Variants in PDE4B observed in about 807,000 individuals in gnomAD.
PDE4B encodes 3',5'-cyclic-AMP phosphodiesterase 4B.
A neutral mutation model predicts 82.2 loss-of-function variants in PDE4B; 20 were observed. The ratio of observed to expected loss-of-function variants is 0.24; its 90% CI spans 0.17 to 0.35. The LOEUF (loss-of-function observed/expected upper bound fraction) is 0.35. Ranked by LOEUF, PDE4B falls within the 10% of genes least tolerant of loss-of-function variation. PDE4B has a pLI of 1.00. For synonymous variants in PDE4B, 320 were observed against 318.9 expected (o/e 1.00, Z -0.04); for missense variants, 655 against 907.2 (o/e 0.72, Z 3.57).
At chr1:65,890,826 T>G (rs898424748) in intron 1 of PDE4B, among the ~76,000 whole-genome samples, 1 of 151,884 alleles carries the variant, frequency 6.6e-6, no homozygotes, top group Non-Finnish European at 1.5e-5. Flanking sequence ...CACACACATA[T>G]ACACACACAT....
At chr1:66,011,820 G>A (rs1048535308) in intron 3 of PDE4B, among the ~76,000 whole-genome samples, 2 of 152,008 alleles carry the variant, frequency 1.3e-5, no homozygotes, top group Admixed American at 1.3e-4. Context: ...CATACAATTT[G>A]TCAGACAATT....
chr1:65,871,998 TTAAAGAG>T (rs1646578579), intron 1 of PDE4B, among the ~76,000 whole-genome samples: 2 of 152,186 alleles, frequency 1.3e-5, no homozygotes, highest in African/African-American at 4.8e-5. Flanking sequence ...ATGTGTTTTT[TTAAAGAG>T]TAGGTGAAGC....
chr1:66,073,731 T>C (rs551984182), intron 3 of PDE4B, among the ~76,000 whole-genome samples: 6 of 152,274 alleles, frequency 3.9e-5, no homozygotes, highest in Admixed American at 3.3e-4. Context: ...AATGTAGTTT[T>C]TGGAACTCTG....
chr1:66,030,761 T>C (rs117867823), intron 3 of PDE4B, among the ~76,000 whole-genome samples: 1 of 152,328 alleles, frequency 6.6e-6, no homozygotes, highest in African/African-American at 2.4e-5. Context: ...ATATACAACA[T>C]GGAATACGAT....
intron 3 of PDE4B, among the ~76,000 whole-genome samples, chr1:66,182,978 G>T (rs764647294): frequency 1.1e-4 from 17 of 152,180 alleles, no homozygotes; most frequent in Non-Finnish European, 2.1e-4. Context: ...ATATCACAAT[G>T]AGCCACATTT....
intron 1 of PDE4B, among the ~76,000 whole-genome samples, chr1:65,804,675 T>A (rs759796868): frequency 2.0e-5 from 3 of 152,106 alleles, no homozygotes; most frequent in Non-Finnish European, 4.4e-5. Flanking sequence ...GGTCCAGCTG[T>A]CATTTTCCAA....
At chr1:66,191,425 G>T (rs1408615907) in intron 3 of PDE4B, among the ~76,000 whole-genome samples, 1 of 152,126 alleles carries the variant, frequency 6.6e-6, no homozygotes, top group Admixed American at 6.5e-5. Context: ...TTAAAAGACT[G>T]ATCTGTTGCT....
intron 3 of PDE4B, among the ~76,000 whole-genome samples, chr1:66,010,224 T>A (rs916874892): frequency 6.6e-6 from 1 of 151,990 alleles, no homozygotes; most frequent in African/African-American, 2.4e-5. Context: ...AACAGATAAT[T>A]TAAAATATTA....
intron 7 of PDE4B, among the ~76,000 whole-genome samples, chr1:66,321,007 T>A (rs1557699131): frequency 1.3e-5 from 2 of 152,152 alleles, no homozygotes; most frequent in South Asian, 4.1e-4. Context: ...GCTGAGTATA[T>A]CAGGCTTGAG....
chr1:66,274,702 T>C (rs973361413), intron 7 of PDE4B, among the ~76,000 whole-genome samples: 3 of 152,188 alleles, frequency 2.0e-5, no homozygotes, highest in Non-Finnish European at 4.4e-5. Flanking sequence ...GGATTAAATA[T>C]GTTAACATGT....
In PDE4B at chr1:66,075,689, G is replaced by A. The variant is rs2100941059; in HGVS notation, c.281+156854G>A. Among the ~76,000 whole-genome samples the A allele has an allele frequency of 1.3e-5, 2 of 152,042 alleles. 1 individual carries two copies. The highest frequency in any genetic ancestry group is 3.9e-4 in the East Asian group (2 of 5,166). On this transcript the variant is annotated intron_variant, in intron 3 of 16. Coordinates refer to ENST00000341517, the MANE Select transcript of PDE4B (RefSeq NM_002600.4). ...AAGGAGTTGTGCAATTGGAGCCCTG[G>A]CCTTGCTGCCTCAAGTTGGTCTCTG...
chr1:65,858,837 T>C (rs1281884831), intron 1 of PDE4B, among the ~76,000 whole-genome samples: 1 of 152,158 alleles, frequency 6.6e-6, no homozygotes, highest in Non-Finnish European at 1.5e-5. Context: ...TGGTGGCCTT[T>C]GTTTTGTTTT....
At chr1:66,129,547 C>A (rs992402433) in intron 3 of PDE4B, among the ~76,000 whole-genome samples, 1 of 149,454 alleles carries the variant, frequency 6.7e-6, no homozygotes, top group East Asian at 2.0e-4. Context: ...GTAGTCCCAG[C>A]TACTTGGGAG....
chr1:66,318,026 C>T (rs922786216), intron 7 of PDE4B, among the ~76,000 whole-genome samples: 5 of 152,152 alleles, frequency 3.3e-5, no homozygotes, highest in African/African-American at 1.2e-4. Context: ...ATGGAAATCA[C>T]CTGAAGCAAT....
intron 3 of PDE4B, among the ~76,000 whole-genome samples, chr1:65,929,846 C>T (rs1647731976): frequency 1.3e-5 from 2 of 152,150 alleles, no homozygotes; most frequent in Non-Finnish European, 2.9e-5. Flanking sequence ...TCAGTGTTCT[C>T]CATACTATTA....
chr1:66,202,749 G>T (rs36133693), intron 3 of PDE4B, among the ~76,000 whole-genome samples: 1 of 151,238 alleles, frequency 6.6e-6, no homozygotes, highest in Non-Finnish European at 1.5e-5. Flanking sequence ...GTCTCGGCAC[G>T]TGAGATGGGT....
At chr1:65,912,495 G>A (rs567516471) in intron 1 of PDE4B, among the ~76,000 whole-genome samples, 3 of 131,994 alleles carry the variant, frequency 2.3e-5, no homozygotes, top group African/African-American at 5.7e-5. Context: ...GAGGTTCTTT[G>A]TTTCTGCAAT....
At chr1:65,922,913 A>G (rs778907975) in intron 3 of PDE4B, among the ~76,000 whole-genome samples, 8 of 152,160 alleles carry the variant, frequency 5.3e-5, no homozygotes, top group Admixed American at 4.6e-4. Flanking sequence ...TTAGAGGAAG[A>G]TATCAGGAGT....
At chr1:66,228,338 C>T (rs1157529169) in intron 3 of PDE4B, among the ~76,000 whole-genome samples, 1 of 152,132 alleles carries the variant, frequency 6.6e-6, no homozygotes, top group African/African-American at 2.4e-5. Flanking sequence ...CCATGACATG[C>T]ATTAGGGTTG....
Sources: gnomAD v4.1 joint callset for allele counts (sites outside exome capture counted in the v4.1 genomes callset) on GRCh38, gnomAD v4.1.1 for gene constraint, MANE v1.5 for transcripts, NCBI Gene and HGNC (gene_info 2026-07-23, HGNC 2026-07-21) for gene names.